The following ACAP1 variants were observed in gnomAD, a reference collection of about 807,000 sequenced individuals.
ACAP1 encodes ArfGAP with coiled-coil, ankyrin repeat and PH domains 1, also known as arf-GAP with coiled-coil, ANK repeat and PH domain-containing protein 1.
In ACAP1, 45 loss-of-function variants were observed where a neutral mutation model predicts 98.8. The observed-to-expected ratio is 0.46, with a 90% CI of 0.36 to 0.58. The LOEUF (loss-of-function observed/expected upper bound fraction) is 0.58. Among genes scored for constraint, ACAP1 ranks in the 20% least tolerant of loss-of-function variants. The pLI is 0.00. For missense variants in ACAP1, 735 were observed against 971.4 expected (o/e 0.76, Z 3.24); for synonymous variants, 362 against 375.3 (o/e 0.96, Z 0.41).
chr17:7,344,096 G>A lies in ACAP1; in HGVS notation c.717G>A (p.Glu239=), dbSNP rs1403295840. 5.7e-6 allele frequency: 9 copies of A among 1,586,046 alleles called. No homozygotes were observed. The highest frequency in any genetic ancestry group is 7.7e-6 in the Non-Finnish European group (9 of 1,165,564). ...CAGCACGAGAGAAGAGGGACATGGA[G>A]CAGAGACACGTGCTGCTGAAACAGA... The part of the protein sequence containing the change: ...LNSAREKRDM[E]QRHVLLKQKE... The change falls in exon 9 of 22, where the codon GAG becomes GAA. Residue 239 remains glutamate, a synonymous_variant. Coordinates refer to ENST00000158762, the MANE Select transcript of ACAP1 (RefSeq NM_014716.4). The surrounding 1 kb of genome is among the most constrained non-coding windows in gnomAD (Gnocchi z 4.9).
chr17:7,351,098 C>A, intron 21 of ACAP1, 99 bp downstream of exon 21: 1 of 1,307,104 alleles, frequency 7.7e-7, no homozygotes, highest in Non-Finnish European at 1.1e-6. Flanking sequence ...TGCATTCATT[C>A]CGTTATTTAA....
chr17:7,347,087 C>T lies in ACAP1; in HGVS notation c.1188C>T (p.Ala396=), dbSNP rs1052033903. The change falls in exon 14 of 22, where the codon GCC becomes GCT. Residue 396 remains alanine (A), a synonymous_variant. Coordinates refer to ENST00000158762, the MANE Select transcript of ACAP1 (RefSeq NM_014716.4). ...SAATLGSGGM[A]RGREPGGVGH... The stretch of plus-strand genomic sequence containing the variant: ...CCACCCTGGGCTCTGGTGGAATGGC[C>T]AGGGGAAGGGAGCCTGGGGGAGTCG... 7 of 1,612,314 alleles carry T rather than the reference C, an allele frequency of 4.3e-6. No homozygotes were observed. The highest frequency in any genetic ancestry group is 5.9e-6 in the Non-Finnish European group (7 of 1,179,062).
In ACAP1 at chr17:7,344,684, C is replaced by T; in HGVS notation, c.854+36C>T. On this transcript the variant is annotated intron_variant, in intron 10 of 21. Transcript: ENST00000158762. This position sits in a 1 kb window ranked among gnomAD's most constrained non-coding sequence, Gnocchi z 4.9. ...GACACCCCCAATCAGCCCGCCCCAC[C>T]CAATGATGTATTTTCGAGTGGTAAT... 6.8e-7 allele frequency: 1 copy of T among 1,465,976 alleles called. No individual in the cohort carries two copies. The highest frequency in any genetic ancestry group is 1.4e-5 in the African/African-American group (1 of 71,344). The allele number at this position is 1,465,976 out of a possible 1,614,324, so 90.8% of individuals were successfully genotyped here.
At chr17:7,351,143 C>T (rs1026232624) in intron 21 of ACAP1, 144 bp downstream of exon 21, 10 of 1,109,944 alleles carry the variant, frequency 9.0e-6, no homozygotes, top group Admixed American at 4.4e-5. Context: ...CGTGCCAGGC[C>T]CTGGCAAGGC....
At position 7,343,848 on chromosome 17, in the gene ACAP1, C is replaced by T. The variant is rs768985264; in HGVS notation, c.574-13C>T. Reference sequence around the variant, plus strand: ...TCTTCCTCAGCCTTCCCACTGCCCGCCTTGTCCCCCAGGTGCTGCGTTTGG... The same window carrying T: ...TCTTCCTCAGCCTTCCCACTGCCCGTCTTGTCCCCCAGGTGCTGCGTTTGG... On this transcript the variant is annotated splice_polypyrimidine_tract_variant and intron_variant, in intron 7 of 21. Coordinates refer to ENST00000158762, the MANE Select transcript of ACAP1 (RefSeq NM_014716.4). This position sits in a 1 kb window ranked among gnomAD's most constrained non-coding sequence, Gnocchi z 4.9. 187 of 1,613,924 alleles carry T rather than the reference C, an allele frequency of 1.2e-4. No individual in the cohort carries two copies. Among genetic ancestry groups the T allele is most frequent in the Non-Finnish European group, 1.6e-4 (184 of 1,179,970 alleles).
chr17:7,346,948 G>T lies in ACAP1; in HGVS notation c.1131+17G>T, dbSNP rs200413191. 2.5e-6 allele frequency: 4 copies of T among 1,604,534 alleles called. No individual in the cohort carries two copies. The highest frequency in any genetic ancestry group is 3.4e-6 in the Non-Finnish European group (4 of 1,173,640). Reference sequence around the variant, plus strand: ...CCAGGCCAGGTACCTTAACCTGGGGGTGCGGAGCCAGGCTGCCTGTGGAGA... The same window carrying T: ...CCAGGCCAGGTACCTTAACCTGGGGTTGCGGAGCCAGGCTGCCTGTGGAGA... On this transcript the variant is annotated intron_variant, in intron 13 of 21. Transcript: ENST00000158762.
chr17:7,349,295 A>G, intron 18 of ACAP1, 128 bp downstream of exon 18: 3 of 991,784 alleles, frequency 3.0e-6, no homozygotes, highest in East Asian at 2.6e-5. Flanking sequence ...GGAGAGATCA[A>G]CAATAGAGAC....
intron 2 of ACAP1, among the ~76,000 whole-genome samples, chr17:7,339,102 A>G (rs949269789): frequency 2.0e-5 from 3 of 150,874 alleles, no homozygotes; most frequent in Non-Finnish European, 2.9e-5. Flanking sequence ...CATCCTGGCT[A>G]ACACTGTGAA....
In ACAP1 at chr17:7,346,509, G is replaced by C; in HGVS notation, c.1007+18G>C. ...ACCAGCAAGTGAGTGCAATCCCCAG[G>C]GGTGATACTCTAATATATCTAAACA... On this transcript the variant is annotated intron_variant, in intron 12 of 21. Transcript: ENST00000158762. 2 of 1,574,652 alleles carry C rather than the reference G, an allele frequency of 1.3e-6. No individual in the cohort carries two copies. The highest frequency in any genetic ancestry group is 1.7e-6 in the Non-Finnish European group (2 of 1,160,594).
chr17:7,341,835 A>C, intron 2 of ACAP1, 113 bp from the exon 3 acceptor site: 1 of 1,486,640 alleles, frequency 6.7e-7, no homozygotes. Flanking sequence ...GAGGCCAGGC[A>C]GGAATAGGGG....
rs1036864302 is a variant in ACAP1, at chr17:7,350,101, C to A, written c.1962-26C>A. On this transcript the variant is annotated intron_variant, in intron 19 of 21. Coordinates refer to ENST00000158762, the MANE Select transcript of ACAP1 (RefSeq NM_014716.4). The surrounding 1 kb of genome is among the most constrained non-coding windows in gnomAD (Gnocchi z 4.6). Reference sequence around the variant, plus strand: ...GGAAGGCTGGGAGAAGTTGGGCGGCCGGCTGACCCTGGCTCTTCTCTCCAG... The same window carrying A: ...GGAAGGCTGGGAGAAGTTGGGCGGCAGGCTGACCCTGGCTCTTCTCTCCAG... 6 of 1,613,346 alleles carry A rather than the reference C, an allele frequency of 3.7e-6. No individual in the cohort carries two copies. In the South Asian group the frequency reaches 6.6e-5, roughly 18 times the overall value.
chr17:7,336,643 C>T lies in ACAP1; in HGVS notation c.-92C>T. 2.9e-6 allele frequency: 4 copies of T among 1,375,784 alleles called. No individual in the cohort carries two copies. The highest frequency in any genetic ancestry group is 4.1e-6 in the Non-Finnish European group (4 of 966,832). 85.2% of individuals were successfully genotyped at this position (1,375,784 alleles called of 1,614,324 possible). A position where few individuals can be genotyped will look rare whatever the true frequency, so the allele number is the denominator to read the frequency against. ...GGAGGTCCCTCTCCTCCTTCCCCCTCATCTCCCCTTCCTGGGACAGAAAGT... is the reference window on the plus strand; with the variant it reads ...GGAGGTCCCTCTCCTCCTTCCCCCTTATCTCCCCTTCCTGGGACAGAAAGT... On this transcript the variant is annotated 5_prime_UTR_variant, in exon 1 of 22. Transcript: ENST00000158762.
chr17:7,344,486 T>C lies in ACAP1; in HGVS notation c.745-53T>C. On this transcript the variant is annotated intron_variant, in intron 9 of 21. Transcript: ENST00000158762. This position sits in a 1 kb window ranked among gnomAD's most constrained non-coding sequence, Gnocchi z 4.9. ...GCTGTGGGCAGGAGGCAGATGCCTA[T>C]GGCCTTGGTGTCTGCCCATCTCAGT... 2.3e-6 allele frequency: 3 copies of C among 1,316,454 alleles called. No homozygotes were observed. The highest frequency in any genetic ancestry group is 4.0e-5 in the Admixed American group (2 of 49,390). 81.5% of individuals were successfully genotyped at this position (1,316,454 alleles called of 1,614,324 possible). A position where few individuals can be genotyped will look rare whatever the true frequency, so the allele number is the denominator to read the frequency against.
At position 7,344,640 on chromosome 17, in the gene ACAP1, C is replaced by G. The variant is rs1286223760; in HGVS notation, c.846C>G (p.Thr282=). ...AACGGGCCAGCAACGCATTTAAGAC[C>G]TGGAGCAGGTGAGGAGAGGACACCC... ...LFKRASNAFK[T]WSRRWFTIQS... Residue 282 remains threonine (T), a synonymous_variant, in exon 10 of 22, where the codon ACC becomes ACG. Transcript: ENST00000158762. This position sits in a 1 kb window ranked among gnomAD's most constrained non-coding sequence, Gnocchi z 4.9. 20 of 1,551,138 alleles carry G rather than the reference C, an allele frequency of 1.3e-5. No individual in the cohort carries two copies. The highest frequency in any genetic ancestry group is 4.1e-5 in the African/African-American group (3 of 72,970).
chr17:7,344,587 G>A lies in ACAP1; in HGVS notation c.793G>A (p.Gly265Ser), dbSNP rs1410263141. 6.4e-7 allele frequency: 1 copy of A among 1,551,524 alleles called. No homozygotes were observed. ...ACCAAGCTTAAGAGAGGGGCCTGGT[G>A]GCCTGGTGATGGAAGGACATCTCTT... ...PEPSLREGPG[G>S]LVMEGHLFKR... The change falls in exon 10 of 22, where the codon GGC becomes AGC. Residue 265 changes from glycine (G) to serine (S), a missense_variant. Coordinates refer to ENST00000158762, the MANE Select transcript of ACAP1 (RefSeq NM_014716.4). The surrounding 1 kb of genome is among the most constrained non-coding windows in gnomAD (Gnocchi z 4.9).
In ACAP1 at chr17:7,344,510, G is replaced by A. The variant is rs527554527; in HGVS notation, c.745-29G>A. On this transcript the variant is annotated intron_variant, in intron 9 of 21. Coordinates refer to ENST00000158762, the MANE Select transcript of ACAP1 (RefSeq NM_014716.4). This position sits in a 1 kb window ranked among gnomAD's most constrained non-coding sequence, Gnocchi z 4.9. ...ATGGCCTTGGTGTCTGCCCATCTCA[G>A]TTGCCCTTTGATCCTCTTGTGCCTC... 48 of 1,510,570 alleles carry A rather than the reference G, an allele frequency of 3.2e-5. No homozygotes were observed. In the South Asian group the frequency reaches 5.4e-4, roughly 17 times the overall value. The allele number at this position is 1,510,570 out of a possible 1,614,324, so 93.6% of individuals were successfully genotyped here.
chr17:7,347,468 C>A, intron 14 of ACAP1: 1 of 535,016 alleles, frequency 1.9e-6, no homozygotes, highest in East Asian at 3.1e-5. Flanking sequence ...TTGGGGGATA[C>A]CCAGAATTTG....
At position 7,336,723 on chromosome 17, in the gene ACAP1, A is replaced by G; in HGVS notation, c.-12A>G. On this transcript the variant is annotated 5_prime_UTR_variant, in exon 1 of 22. Transcript: ENST00000158762. ...CTCCAGGGCCCGCTGGCCCCACAGC[A>G]GGCAAGCTGAGATGACGGTCAAGCT... is the stretch of plus-strand genomic sequence containing the variant. 1 of 1,613,750 alleles carries G rather than the reference A, an allele frequency of 6.2e-7. No homozygotes were observed.
In ACAP1 at chr17:7,336,709, G is replaced by A. The variant is rs557083590; in HGVS notation, c.-26G>A. ...CCCAGGGGCCCGGCCTCCAGGGCCC[G>A]CTGGCCCCACAGCAGGCAAGCTGAG... On this transcript the variant is annotated 5_prime_UTR_variant, in exon 1 of 22. Transcript: ENST00000158762. 759 of 1,613,500 alleles carry A rather than the reference G, an allele frequency of 4.7e-4. 9 individuals are homozygous for A. In the South Asian group the frequency reaches 7.6e-3, roughly 16 times the overall value.
Sources: gnomAD v4.1 joint callset for allele counts (sites outside exome capture counted in the v4.1 genomes callset) on GRCh38, gnomAD v4.1.1 for gene constraint, Gnocchi (gnomAD v3.1) non-coding constraint, MANE v1.5 for transcripts, NCBI Gene and HGNC (gene_info 2026-07-23, HGNC 2026-07-21) for gene names.